ADGRV1: variants seen among roughly 807,000 people sequenced by gnomAD.
ADGRV1 encodes G-protein coupled receptor 98.
ADGRV1 carries 359 observed loss-of-function variants against 596.2 expected under a neutral mutation model. The ratio of observed to expected loss-of-function variants is 0.60; its 90% CI spans 0.55 to 0.66. The LOEUF (loss-of-function observed/expected upper bound fraction) is 0.66, where lower values mean the gene tolerates loss of function less well. ADGRV1 is among the 30% of genes least tolerant of loss of function. ADGRV1 has a pLI of 0.00. For synonymous variants in ADGRV1, 2,681 were observed against 2,679.2 expected (o/e 1.00, Z -0.02); for missense variants, 7,274 against 7,575.6 (o/e 0.96, Z 1.48).
At chr5:90,596,804 G>GGGGAGAGGGCGAGGGCGA (rs1265663052) in intron 1 of ADGRV1, among the ~76,000 whole-genome samples, 5 of 152,012 alleles carry the variant, frequency 3.3e-5, no homozygotes, top group Non-Finnish European at 7.4e-5. Flanking sequence ...GGGAGACCAT[G>GGGGAGAGGGCGAGGGCGA]GGGAGAGGGC....
At chr5:91,080,604 A>C (rs1789263310) in intron 86 of ADGRV1, among the ~76,000 whole-genome samples, 1 of 151,608 alleles carries the variant, frequency 6.6e-6, no homozygotes, top group Non-Finnish European at 1.5e-5. Context: ...AAAAAAAAAA[A>C]AAAAAAACTT....
chr5:90,628,653 C>T lies in ADGRV1; in HGVS notation c.1330C>T (p.Pro444Ser). The T allele has an allele frequency of 3.1e-6, 5 of 1,613,974 alleles. No individual in the cohort carries two copies. Among genetic ancestry groups the T allele is most frequent in the African/African-American group, 1.3e-5 (1 of 75,052 alleles). ...VLTRNSTDPS[P>S]VTADIRPSSG... The stretch of plus-strand genomic sequence containing the variant: ...GACACGGAACAGCACTGATCCCTCA[C>T]CAGTAACAGCAGATATCAGACCGAG... Residue 444 changes from proline (P) to serine (S), a missense_variant, in exon 8 of 90, where the codon CCA becomes TCA. By Grantham distance (74) the Pro-to-Ser change is moderately conservative. Coordinates refer to ENST00000405460, the MANE Select transcript of ADGRV1 (RefSeq NM_032119.4).
intron 85 of ADGRV1, among the ~76,000 whole-genome samples, chr5:91,033,209 C>T (rs1474117269): frequency 1.3e-5 from 2 of 152,094 alleles, no homozygotes; most frequent in African/African-American, 2.4e-5. Context: ...AATACATATA[C>T]TTAAAAACAT....
At chr5:91,070,424 T>C (rs1255091256) in intron 85 of ADGRV1, among the ~76,000 whole-genome samples, 1 of 152,204 alleles carries the variant, frequency 6.6e-6, no homozygotes, top group South Asian at 2.1e-4. Flanking sequence ...AATCTAGGTT[T>C]GTAGATATTA....
chr5:90,692,154 G>A (rs946956176), intron 31 of ADGRV1, among the ~76,000 whole-genome samples: 3 of 151,864 alleles, frequency 2.0e-5, no homozygotes, highest in African/African-American at 4.8e-5. Flanking sequence ...AATTTAGGTG[G>A]CATTACAGTA....
intron 80 of ADGRV1, among the ~76,000 whole-genome samples, 187 bp from the exon 81 acceptor site, chr5:90,853,875 G>T (rs1036575448): frequency 3.9e-5 from 6 of 152,144 alleles, no homozygotes; most frequent in African/African-American, 1.4e-4. Flanking sequence ...AATGGCTAAG[G>T]CGGGGTAGAA....
intron 70 of ADGRV1, among the ~76,000 whole-genome samples, chr5:90,802,208 T>C (rs1215260450): frequency 6.6e-6 from 1 of 152,092 alleles, no homozygotes; most frequent in East Asian, 1.9e-4. Flanking sequence ...TGTTTAGTTT[T>C]GTTTGTTCTT....
intron 85 of ADGRV1, among the ~76,000 whole-genome samples, chr5:91,064,234 A>G (rs1169510875): frequency 6.6e-6 from 1 of 152,236 alleles, no homozygotes; most frequent in East Asian, 1.9e-4. Context: ...TCCTCAAAAG[A>G]ACACTGGCAT....
rs769286352 is a variant in ADGRV1 at position 90,725,085 on chromosome 5, G to A, written c.9907-1G>A. 6 of 1,535,806 alleles carry A rather than the reference G, an allele frequency of 3.9e-6. No homozygotes were observed. The highest frequency in any genetic ancestry group is 5.3e-6 in the Non-Finnish European group (6 of 1,134,484). On this transcript the variant is annotated splice_acceptor_variant, in intron 46 of 89. Coordinates refer to ENST00000405460, the MANE Select transcript of ADGRV1 (RefSeq NM_032119.4). LOFTEE classifies it high-confidence loss of function. Reference sequence around the variant, plus strand: ...CTGTATTCTTATTCCTCATTTTCTAGGATTTAAATATAGAAAATCCTAAAA... The same window carrying A: ...CTGTATTCTTATTCCTCATTTTCTAAGATTTAAATATAGAAAATCCTAAAA...
intron 1 of ADGRV1, among the ~76,000 whole-genome samples, chr5:90,571,597 A>G (rs1756537513): frequency 3.3e-5 from 5 of 152,128 alleles, no homozygotes; most frequent in Admixed American, 3.3e-4. Context: ...CTCTAAGGAA[A>G]AGGCTTTCAA....
Position 90,829,193 on chromosome 5 carries a change from A to C in ADGRV1, c.16611+7A>C, listed in dbSNP as rs764949024. The C allele has an allele frequency of 2.7e-6, 4 of 1,499,880 alleles. No individual in the cohort carries two copies. Among genetic ancestry groups the C allele is most frequent in the Non-Finnish European group, 2.7e-6 (3 of 1,114,140 alleles). 92.9% of individuals were successfully genotyped at this position (1,499,880 alleles called of 1,614,324 possible). A position where few individuals can be genotyped will look rare whatever the true frequency, so the allele number is the denominator to read the frequency against. On this transcript the variant is annotated splice_region_variant and intron_variant, in intron 77 of 89. Transcript: ENST00000405460. The stretch of plus-strand genomic sequence containing the variant: ...TGTTAACTTTAGTACCCAGGTAAGC[A>C]TGGAATATATATATTCATACACGTT...
chr5:90,809,918 A>T (rs1262470480), intron 73 of ADGRV1, among the ~76,000 whole-genome samples: 1 of 152,188 alleles, frequency 6.6e-6, no homozygotes, highest in Non-Finnish European at 1.5e-5. Context: ...CCTTGTACTG[A>T]TCCTAAGAGA....
chr5:91,017,401 G>T (rs1024779557), intron 85 of ADGRV1, among the ~76,000 whole-genome samples: 11 of 151,850 alleles, frequency 7.2e-5, no homozygotes, highest in Admixed American at 4.6e-4. Context: ...ATCTGTGGGG[G>T]TCTATGAAAT....
chr5:90,855,842 C>G lies in ADGRV1; in HGVS notation c.17696C>G (p.Thr5899Ser). The G allele has an allele frequency of 6.2e-7, 1 of 1,613,044 alleles. No individual in the cohort carries two copies. The highest frequency in any genetic ancestry group is 8.5e-7 in the Non-Finnish European group (1 of 1,179,162). Residue 5899 changes from threonine to serine, a missense_variant, in exon 82 of 90, where the codon ACT becomes AGT. By Grantham distance (58) the Thr-to-Ser change is moderately conservative. Coordinates refer to ENST00000405460, the MANE Select transcript of ADGRV1 (RefSeq NM_032119.4). Reference protein sequence around the residue: ...HMSVYAVYARTDNLSSYNEAF... With the variant: ...HMSVYAVYARSDNLSSYNEAF... ...TCTGTGTATGCTGTCTATGCTCGGACTGACAACTTGTCTTCATACAATGAA... is the reference window on the plus strand; with the variant it reads ...TCTGTGTATGCTGTCTATGCTCGGAGTGACAACTTGTCTTCATACAATGAA...
chr5:91,090,958 T>C (rs1790332046), intron 86 of ADGRV1, among the ~76,000 whole-genome samples: 1 of 152,160 alleles, frequency 6.6e-6, no homozygotes, highest in Admixed American at 6.5e-5. Flanking sequence ...TTGGGTTTCA[T>C]AAAAGTTTTC....
intron 87 of ADGRV1, among the ~76,000 whole-genome samples, chr5:91,139,063 G>A (rs1000107509): frequency 1.3e-5 from 2 of 152,108 alleles, no homozygotes; most frequent in South Asian, 2.1e-4. Context: ...GAGCCACCGC[G>A]CCCACTGTAT....
rs768605492 is a variant in ADGRV1, at chr5:90,807,747, A to G, written c.14972+10A>G. The G allele has an allele frequency of 1.3e-6, 2 of 1,518,920 alleles. No individual in the cohort carries two copies. Among genetic ancestry groups the G allele is most frequent in the South Asian group, 2.6e-5 (2 of 76,326 alleles). The allele number at this position is 1,518,920 out of a possible 1,614,324, so 94.1% of individuals were successfully genotyped here. On this transcript the variant is annotated intron_variant, in intron 73 of 89. Coordinates refer to ENST00000405460, the MANE Select transcript of ADGRV1 (RefSeq NM_032119.4). ...GCGGAGCTCAACTCCGGTAAGACCA[A>G]CCTCATTCTCACCCAAGAAATTCTC...
intron 77 of ADGRV1, among the ~76,000 whole-genome samples, chr5:90,834,861 T>A (rs1390019587): frequency 6.6e-6 from 1 of 151,790 alleles, no homozygotes; most frequent in Non-Finnish European, 1.5e-5. Flanking sequence ...CCTCTGCCTA[T>A]TTTCTTTCTT....
intron 84 of ADGRV1, among the ~76,000 whole-genome samples, chr5:90,966,087 G>A (rs1186409693): frequency 1.3e-5 from 2 of 152,162 alleles, no homozygotes; most frequent in Non-Finnish European, 2.9e-5. Flanking sequence ...GAATGCAGAA[G>A]TTGGAACCCA....
Sources: allele counts gnomAD v4.1 joint callset (sites outside exome capture counted in the v4.1 genomes callset), GRCh38; gene constraint gnomAD v4.1.1; transcripts MANE v1.5; gene names NCBI Gene and HGNC (gene_info 2026-07-23, HGNC 2026-07-21).